LDLRAD4: variants seen among roughly 807,000 people sequenced by gnomAD.
LDLRAD4 encodes the protein low density lipoprotein receptor class A domain containing 4.
Under a neutral mutation model 17.0 loss-of-function variants are expected in LDLRAD4, and 5 were observed. The ratio of observed to expected loss-of-function variants is 0.29; its 90% CI spans 0.15 to 0.62. The LOEUF (loss-of-function observed/expected upper bound fraction) is 0.62. Among genes scored for constraint, LDLRAD4 ranks in the 20% least tolerant of loss-of-function variants. The pLI, the probability that LDLRAD4 is intolerant of heterozygous loss-of-function variation, is 0.84. For synonymous variants in LDLRAD4, 168 were observed against 171.8 expected (o/e 0.98, Z 0.17); for missense variants, 340 against 424.7 (o/e 0.80, Z 1.75).
chr18:13,557,171 G>A (rs2094492507), intron 3 of LDLRAD4, among the ~76,000 whole-genome samples: 1 of 151,832 alleles, frequency 6.6e-6, no homozygotes, highest in Non-Finnish European at 1.5e-5. Flanking sequence ...CATGGCACAT[G>A]CCCATAGTCC....
intron 1 of LDLRAD4, among the ~76,000 whole-genome samples, chr18:13,341,545 A>T (rs2082373368): frequency 6.6e-6 from 1 of 152,126 alleles, no homozygotes; most frequent in Admixed American, 6.5e-5. Flanking sequence ...TTAGTGTATG[A>T]TAATGCAGCT....
At chr18:13,583,593 G>A (rs74930144) in intron 3 of LDLRAD4, among the ~76,000 whole-genome samples, 1 of 152,194 alleles carries the variant, frequency 6.6e-6, no homozygotes. Flanking sequence ...ATATCACCAC[G>A]TTCAACTGAT....
intron 1 of LDLRAD4, among the ~76,000 whole-genome samples, chr18:13,361,026 A>G (rs1443538866): frequency 6.6e-6 from 1 of 152,236 alleles, no homozygotes; most frequent in African/African-American, 2.4e-5. Context: ...TTGCATGTGC[A>G]TTGTGATGTC....
intron 1 of LDLRAD4, among the ~76,000 whole-genome samples, chr18:13,253,223 G>C (rs1472003959): frequency 6.6e-6 from 1 of 152,100 alleles, no homozygotes; most frequent in Non-Finnish European, 1.5e-5. Flanking sequence ...AGGTGAGGAG[G>C]AGTGTCAGAC....
At chr18:13,224,068 C>T (rs969021456) in intron 1 of LDLRAD4, among the ~76,000 whole-genome samples, 1 of 152,228 alleles carries the variant, frequency 6.6e-6, no homozygotes, top group Non-Finnish European at 1.5e-5. Context: ...TGCCTCCGTG[C>T]TGTAGCCCTC....
chr18:13,651,335 G>A (rs2043237403), exon 6 of LDLRAD4: 1 of 152,238 alleles, frequency 6.6e-6, no homozygotes, highest in African/African-American at 2.4e-5. Context: ...AGTAGAGATT[G>A]TAGGGAAAGA....
At chr18:13,271,816 G>T (rs994518415) in intron 1 of LDLRAD4, among the ~76,000 whole-genome samples, 1 of 151,976 alleles carries the variant, frequency 6.6e-6, no homozygotes, top group Non-Finnish European at 1.5e-5. Flanking sequence ...AAGGGAGAGG[G>T]TGGGAAAAGC....
At chr18:13,376,931 C>T (rs2084955180) in intron 1 of LDLRAD4, among the ~76,000 whole-genome samples, 1 of 152,192 alleles carries the variant, frequency 6.6e-6, no homozygotes, top group Non-Finnish European at 1.5e-5. Flanking sequence ...GGTTTGTGGC[C>T]CCATTAGTTA....
At chr18:13,305,954 G>A (rs2046889372) in intron 1 of LDLRAD4, among the ~76,000 whole-genome samples, 2 of 152,134 alleles carry the variant, frequency 1.3e-5, no homozygotes, top group Admixed American at 6.5e-5. Context: ...AAATGCAAAG[G>A]ATCTAAAGAT....
chr18:13,364,199 A>G (rs1009845663), intron 1 of LDLRAD4, among the ~76,000 whole-genome samples: 8 of 152,212 alleles, frequency 5.3e-5, no homozygotes, highest in African/African-American at 1.9e-4. Context: ...CCAAGCTACT[A>G]ACATTGGTTA....
chr18:13,629,345 C>T (rs955527444), intron 4 of LDLRAD4, among the ~76,000 whole-genome samples: 18 of 152,114 alleles, frequency 1.2e-4, no homozygotes, highest in African/African-American at 3.9e-4. Flanking sequence ...AAGGCAAGCA[C>T]GACTCAATTA....
At chr18:13,294,270 G>T (rs764003920) in intron 1 of LDLRAD4, among the ~76,000 whole-genome samples, 3 of 152,246 alleles carry the variant, frequency 2.0e-5, no homozygotes, top group Non-Finnish European at 2.9e-5. Flanking sequence ...GGCTGAAGGT[G>T]GTCCAGGTGG....
intron 3 of LDLRAD4, among the ~76,000 whole-genome samples, chr18:13,524,266 C>T (rs1009977355): frequency 6.6e-6 from 1 of 152,214 alleles, no homozygotes; most frequent in African/African-American, 2.4e-5. Context: ...AAAAAACACA[C>T]GTGATCAGCA....
At chr18:13,338,695 A>G (rs943670119) in intron 1 of LDLRAD4, among the ~76,000 whole-genome samples, 2 of 152,152 alleles carry the variant, frequency 1.3e-5, no homozygotes, top group Admixed American at 6.5e-5. Context: ...TTACTTCTTG[A>G]CACTTAAGGT....
intron 3 of LDLRAD4, among the ~76,000 whole-genome samples, chr18:13,443,588 C>T (rs902045358): frequency 3.9e-5 from 6 of 152,100 alleles, no homozygotes; most frequent in African/African-American, 1.4e-4. Flanking sequence ...TTGTTTGCAC[C>T]AGGATCCAAA....
chr18:13,504,531 G>C (rs546921970), intron 3 of LDLRAD4, among the ~76,000 whole-genome samples: 19 of 152,332 alleles, frequency 1.2e-4, no homozygotes, highest in African/African-American at 4.1e-4. Flanking sequence ...GGGTTCAAGC[G>C]ATTCTCCTGC....
chr18:13,460,092 C>G (rs561873170), intron 3 of LDLRAD4: 1 of 154,110 alleles, frequency 6.5e-6, no homozygotes, highest in South Asian at 2.0e-4. Flanking sequence ...TGAAGAGGAA[C>G]ACAAAGGAGA....
chr18:13,550,944 C>T (rs2094427973), intron 3 of LDLRAD4, among the ~76,000 whole-genome samples: 1 of 152,140 alleles, frequency 6.6e-6, no homozygotes, highest in African/African-American at 2.4e-5. Context: ...TGGCTGGCCA[C>T]ACCACCCTCC....
At chr18:13,517,837 C>T (rs935395904) in intron 3 of LDLRAD4, among the ~76,000 whole-genome samples, 2 of 152,144 alleles carry the variant, frequency 1.3e-5, no homozygotes, top group African/African-American at 4.8e-5. Flanking sequence ...CTCCCGGGCT[C>T]ATGCCATTCT....
Sources: gnomAD v4.1 joint callset for allele counts (sites outside exome capture counted in the v4.1 genomes callset) on GRCh38, gnomAD v4.1.1 for gene constraint, MANE v1.5 for transcripts, NCBI Gene and HGNC (gene_info 2026-07-23, HGNC 2026-07-21) for gene names.